AVEN: variants seen among roughly 807,000 people sequenced by gnomAD.
AVEN encodes cell death regulator Aven.
Under a neutral mutation model 38.1 loss-of-function variants are expected in AVEN, and 41 were observed. That is an observed-to-expected ratio of 1.08 (90% CI 0.84 to 1.40). The LOEUF (loss-of-function observed/expected upper bound fraction) is 1.40. Among genes scored for constraint, AVEN ranks in the 40% most tolerant of loss-of-function variants. AVEN has a pLI of 0.00. For synonymous variants in AVEN, 206 were observed against 171.8 expected, an observed-to-expected ratio of 1.20 and a Z score of -1.56; for missense variants, 605 against 438.8, an observed-to-expected ratio of 1.38 and a Z score of -3.38.
intron 1 of AVEN, among the ~76,000 whole-genome samples, chr15:34,005,482 G>A (rs1897303641): frequency 6.6e-6 from 1 of 152,100 alleles, no homozygotes; most frequent in African/African-American, 2.4e-5. Context: ...AAATGTAAGT[G>A]CTCAATGGAG....
chr15:33,954,856 A>G (rs1894898524), intron 2 of AVEN, among the ~76,000 whole-genome samples: 1 of 152,310 alleles, frequency 6.6e-6, no homozygotes, highest in Non-Finnish European at 1.5e-5. Context: ...CTTAACTAAG[A>G]TAAATAATAT....
intron 2 of AVEN, chr15:33,991,125 A>ACAAG (rs1414194048): frequency 7.9e-5 from 12 of 152,346 alleles, no homozygotes; most frequent in Non-Finnish European, 1.5e-4. Context: ...AAGATAAAGG[A>ACAAG]CAAGCACTAA....
At chr15:34,033,496 G>A (rs2702301) in intron 1 of AVEN, among the ~76,000 whole-genome samples, 147,005 of 150,530 alleles carry the variant, frequency 0.98, 71,878 homozygotes, top group East Asian at 1. Context: ...ACAGAGCGAG[G>A]CTCCGTCTCA....
chr15:33,980,768 C>T (rs777586517), intron 2 of AVEN, among the ~76,000 whole-genome samples: 9 of 152,146 alleles, frequency 5.9e-5, no homozygotes, highest in Non-Finnish European at 1.2e-4. Flanking sequence ...AGGCAAGGAC[C>T]TTAACTAGTT....
At chr15:34,070,393 C>T (rs187161931) in intron 2 of AVEN, among the ~76,000 whole-genome samples, 3 of 149,348 alleles carry the variant, frequency 2.0e-5, no homozygotes, top group African/African-American at 2.5e-5. Flanking sequence ...TTTTTTAAAT[C>T]GAACTCTTTT....
intron 2 of AVEN, among the ~76,000 whole-genome samples, chr15:33,968,540 G>A (rs562833103): frequency 3.3e-5 from 5 of 152,156 alleles, no homozygotes; most frequent in South Asian, 2.1e-4. Context: ...TGATAAAGCC[G>A]TACTTCCTTC....
In AVEN at chr15:33,990,153, G is replaced by A. The variant is rs529532092; in HGVS notation, c.445+12879C>T. ...TGGGAGGCAGAGGTTGCAGTGAGCC[G>A]AGATTGCATCGTTGCAATCCAGACT... On this transcript the variant is annotated intron_variant, in intron 2 of 5. Coordinates refer to ENST00000306730, the MANE Select transcript of AVEN (RefSeq NM_020371.3). 1.5e-4 allele frequency among the ~76,000 whole-genome samples: 23 copies of A among 151,998 alleles called. No homozygotes were observed. The South Asian group carries it at 2.3e-3, about 15-fold the overall frequency.
intron 2 of AVEN, among the ~76,000 whole-genome samples, chr15:33,898,225 C>T (rs566619596): frequency 1.4e-4 from 22 of 152,252 alleles, no homozygotes; most frequent in Middle Eastern, 3.4e-3. Context: ...TCAGTCACTG[C>T]TAAGGAGATA....
At chr15:34,015,559 A>G (rs189750512) in intron 1 of AVEN, among the ~76,000 whole-genome samples, 98 of 152,356 alleles carry the variant, frequency 6.4e-4, no homozygotes, top group African/African-American at 2.3e-3. Context: ...CTGTTTTAGG[A>G]TAATTTGGGA....
At chr15:34,047,812 A>T (rs192096183) in intron 5 of AVEN, among the ~76,000 whole-genome samples, 1 of 152,124 alleles carries the variant, frequency 6.6e-6, no homozygotes, top group East Asian at 1.9e-4. Flanking sequence ...GCAATGGCGC[A>T]ATCTCGGCTT....
At chr15:33,872,403 C>G (rs116002808) in intron 3 of AVEN, among the ~76,000 whole-genome samples, 2,917 of 152,280 alleles carry the variant, frequency 0.019, 90 homozygotes, top group African/African-American at 0.067. Context: ...ACTATTACAT[C>G]CTCCTCAGAA....
At chr15:34,001,985 C>T (rs1358714930) in intron 2 of AVEN, among the ~76,000 whole-genome samples, 1 of 152,106 alleles carries the variant, frequency 6.6e-6, no homozygotes, top group East Asian at 1.9e-4. Flanking sequence ...TTTAACCTGG[C>T]AATAATTATT....
intron 2 of AVEN, among the ~76,000 whole-genome samples, chr15:33,902,714 C>T (rs1892539850): frequency 6.6e-6 from 1 of 152,114 alleles, no homozygotes. Context: ...AGTAAAGTTG[C>T]AATATACAAA....
At chr15:33,978,132 A>G (rs1267131143) in intron 2 of AVEN, among the ~76,000 whole-genome samples, 1 of 152,146 alleles carries the variant, frequency 6.6e-6, no homozygotes, top group African/African-American at 2.4e-5. Flanking sequence ...AAATTCAACC[A>G]GAAAACCTTA....
At chr15:33,923,268 G>A (rs966852830) in intron 2 of AVEN, among the ~76,000 whole-genome samples, 1 of 152,130 alleles carries the variant, frequency 6.6e-6, no homozygotes, top group Non-Finnish European at 1.5e-5. Context: ...TTACAAAAAG[G>A]AGTAATTGTG....
At chr15:33,923,520 T>C (rs1028583086) in intron 2 of AVEN, among the ~76,000 whole-genome samples, 1 of 152,244 alleles carries the variant, frequency 6.6e-6, no homozygotes, top group Non-Finnish European at 1.5e-5. Flanking sequence ...TTTAACTTTG[T>C]GGGTCACACA....
chr15:33,929,060 A>G (rs778951371), intron 2 of AVEN, among the ~76,000 whole-genome samples: 18 of 152,274 alleles, frequency 1.2e-4, no homozygotes, highest in Non-Finnish European at 2.4e-4. Flanking sequence ...ACTAAGTTCC[A>G]TAACAGTTGT....
intron 2 of AVEN, among the ~76,000 whole-genome samples, chr15:33,919,056 G>C (rs1481568882): frequency 6.6e-6 from 1 of 151,698 alleles, no homozygotes; most frequent in Non-Finnish European, 1.5e-5. Flanking sequence ...GAGTAGCTGG[G>C]ATTACAGGCA....
At chr15:33,993,842 T>G (rs897664536) in intron 2 of AVEN, among the ~76,000 whole-genome samples, 35 of 344 alleles carry the variant, frequency 0.1, no homozygotes, top group Admixed American at 0.26. Context: ...AAAATAGGGT[T>G]TTTTTTTCCT....
Sources: gnomAD v4.1 joint callset for allele counts (sites outside exome capture counted in the v4.1 genomes callset) on GRCh38, gnomAD v4.1.1 for gene constraint, MANE v1.5 for transcripts, NCBI Gene and HGNC (gene_info 2026-07-23, HGNC 2026-07-21) for gene names.